Variants in PRELID2 observed in about 807,000 individuals in gnomAD.
PRELID2 encodes PRELI domain containing 2.
A neutral mutation model predicts 28.4 loss-of-function variants in PRELID2; 25 were observed. The ratio of observed to expected loss-of-function variants is 0.88; its 90% CI spans 0.64 to 1.23. The LOEUF (loss-of-function observed/expected upper bound fraction) is 1.23, where lower values mean the gene tolerates loss of function less well. Among genes scored for constraint, PRELID2 ranks in the 50% most tolerant of loss-of-function variants. PRELID2 has a pLI of 0.00. For synonymous variants in PRELID2, 76 were observed against 71.6 expected, an observed-to-expected ratio of 1.06 and a Z score of -0.31; for missense variants, 201 against 214.4, an observed-to-expected ratio of 0.94 and a Z score of 0.39.
the PRELID2 span, among the ~76,000 whole-genome samples, chr5:145,253,489 C>T: frequency 6.6e-6 from 1 of 152,044 alleles, no homozygotes; most frequent in African/African-American, 2.4e-5. Context: ...GGAGGAGATC[C>T]ATCTGACATC....
intron 1 of PRELID2, 32 bp from the exon 2 acceptor site, chr5:145,823,166 T>C (rs904540754): frequency 1.9e-6 from 2 of 1,054,830 alleles, no homozygotes; most frequent in Admixed American, 1.7e-5. Context: ...AGAATTACCA[T>C]TAATCTTCTA....
At chr5:145,612,104 T>A (rs1753625562) in intron 1 of PRELID2, among the ~76,000 whole-genome samples, 1 of 152,212 alleles carries the variant, frequency 6.6e-6, no homozygotes, top group African/African-American at 2.4e-5. Context: ...AATTTGTAAC[T>A]TGATCCTTAC....
At chr5:145,608,444 T>C (rs1022220990) in intron 1 of PRELID2, among the ~76,000 whole-genome samples, 6 of 152,192 alleles carry the variant, frequency 3.9e-5, no homozygotes, top group Non-Finnish European at 7.4e-5. Flanking sequence ...CTGGTGGTAA[T>C]GAATTCTCTT....
At chr5:145,501,321 C>A (rs529075879) in intron 1 of PRELID2, among the ~76,000 whole-genome samples, 21 of 152,232 alleles carry the variant, frequency 1.4e-4, no homozygotes, top group Admixed American at 1.4e-3. Context: ...TAAAAGGTGT[C>A]CCTTGCCCAG....
intron 1 of PRELID2, among the ~76,000 whole-genome samples, chr5:145,738,659 G>A (rs1561565248): frequency 6.6e-6 from 1 of 151,950 alleles, no homozygotes; most frequent in South Asian, 2.1e-4. Context: ...TAAACTGAAA[G>A]AAAAAAGTAG....
chr5:145,380,742 A>G, the PRELID2 span, among the ~76,000 whole-genome samples: 1 of 152,184 alleles, frequency 6.6e-6, no homozygotes, highest in Admixed American at 6.5e-5. Flanking sequence ...TTTCAGTTGA[A>G]TGAAATAATG....
intron 1 of PRELID2, among the ~76,000 whole-genome samples, chr5:145,524,728 G>A (rs763308861): frequency 2.5e-4 from 38 of 152,160 alleles, no homozygotes; most frequent in Non-Finnish European, 5.1e-4. Flanking sequence ...TCCAATCCAA[G>A]TTACCTGGAA....
At chr5:145,781,980 GA>G (rs1340356869) in intron 5 of PRELID2, among the ~76,000 whole-genome samples, 1 of 151,994 alleles carries the variant, frequency 6.6e-6, no homozygotes, top group African/African-American at 2.4e-5. Flanking sequence ...AAGAGGTTCA[GA>G]AAACTAATAG....
the PRELID2 span, among the ~76,000 whole-genome samples, chr5:145,414,019 G>T: frequency 6.6e-6 from 1 of 152,146 alleles, no homozygotes; most frequent in Non-Finnish European, 1.5e-5. Flanking sequence ...AGAAAAGGGA[G>T]AAGAAAATAT....
the PRELID2 span, among the ~76,000 whole-genome samples, chr5:145,386,887 A>G: frequency 3.3e-5 from 5 of 152,198 alleles, no homozygotes; most frequent in Admixed American, 1.3e-4. Context: ...ACATCACTTT[A>G]TAACATTAAT....
intron 1 of PRELID2, among the ~76,000 whole-genome samples, chr5:145,623,831 C>G (rs1341712015): frequency 6.6e-6 from 1 of 152,200 alleles, no homozygotes; most frequent in Non-Finnish European, 1.5e-5. Flanking sequence ...CCAACACCAG[C>G]TGGGTGGTCT....
intron 1 of PRELID2, among the ~76,000 whole-genome samples, chr5:145,511,164 C>A (rs1231619918): frequency 6.6e-6 from 1 of 152,174 alleles, no homozygotes; most frequent in Admixed American, 6.5e-5. Context: ...AACCACAGTG[C>A]CTGTCTTCAT....
At chr5:145,390,028 A>G in the PRELID2 span, among the ~76,000 whole-genome samples, 3 of 152,220 alleles carry the variant, frequency 2.0e-5, no homozygotes, top group African/African-American at 4.8e-5. Flanking sequence ...CTTGAAACAA[A>G]TCTGCCTTCA....
chr5:145,654,634 A>C (rs1471135986), intron 1 of PRELID2, among the ~76,000 whole-genome samples: 5 of 152,190 alleles, frequency 3.3e-5, no homozygotes, highest in Admixed American at 1.3e-4. Context: ...ATAAGCAGAA[A>C]CAAAGACAAA....
intron 5 of PRELID2, among the ~76,000 whole-genome samples, chr5:145,791,702 C>A (rs181920000): frequency 3.4e-4 from 51 of 152,230 alleles, no homozygotes; most frequent in African/African-American, 1.2e-3. Context: ...CTGAACTGTA[C>A]ACTTAAAAAT....
intron 1 of PRELID2, among the ~76,000 whole-genome samples, chr5:145,690,148 C>T (rs1298436026): frequency 3.3e-5 from 5 of 151,956 alleles, no homozygotes; most frequent in Admixed American, 1.3e-4. Context: ...CACCAAACCA[C>T]GCCCGGCTAC....
At chr5:145,762,192 C>A (rs1757506368) in intron 6 of PRELID2, among the ~76,000 whole-genome samples, 1 of 152,136 alleles carries the variant, frequency 6.6e-6, no homozygotes. Context: ...CTGTCCTGTA[C>A]TAAACTCCTG....
chr5:145,541,651 T>G (rs578059681), intron 1 of PRELID2, among the ~76,000 whole-genome samples: 20 of 152,194 alleles, frequency 1.3e-4, no homozygotes, highest in African/African-American at 4.6e-4. Flanking sequence ...TCTGTAAATA[T>G]GCACAAGAAA....
intron 1 of PRELID2, among the ~76,000 whole-genome samples, chr5:145,698,470 G>A (rs1755331205): frequency 6.6e-6 from 1 of 152,172 alleles, no homozygotes; most frequent in African/African-American, 2.4e-5. Flanking sequence ...ATGACTGGGT[G>A]GCTAACAAGC....
Sources: gnomAD v4.1 joint callset for allele counts (sites outside exome capture counted in the v4.1 genomes callset) on GRCh38, gnomAD v4.1.1 for gene constraint, MANE v1.5 for transcripts, NCBI Gene and HGNC (gene_info 2026-07-23, HGNC 2026-07-21) for gene names.